The following TPRG1 variants were observed in gnomAD, a reference collection of about 807,000 sequenced individuals.
TPRG1 encodes the protein tumor protein p63 regulated 1.
Under a neutral mutation model 29.3 loss-of-function variants are expected in TPRG1, and 29 were observed. The ratio of observed to expected loss-of-function variants is 0.99; its 90% confidence interval spans 0.74 to 1.35. The LOEUF is 1.35. Ranked by LOEUF, TPRG1 falls within the 40% of genes most tolerant of loss-of-function variation. The pLI, the probability that TPRG1 is intolerant of heterozygous loss-of-function variation, is 0.00. For missense variants in TPRG1, 327 were observed against 335.0 expected, an observed-to-expected ratio of 0.98 and a Z score of 0.19; for synonymous variants, 130 against 116.8, an observed-to-expected ratio of 1.11 and a Z score of -0.73.
At chr3:189,282,444 G>A (rs964929830) in intron 4 of TPRG1, among the ~76,000 whole-genome samples, 46 of 152,026 alleles carry the variant, frequency 3.0e-4, no homozygotes, top group African/African-American at 1.1e-3. Flanking sequence ...GTGGGGGAGA[G>A]GGTATTAAAC....
intron 4 of TPRG1, 48 bp downstream of exon 4, chr3:189,238,957 C>G (rs183975678): frequency 1.3e-6 from 2 of 1,487,212 alleles, no homozygotes; most frequent in Non-Finnish European, 1.8e-6. Flanking sequence ...AGGGATGGAC[C>G]TGCAGGGAAA....
intron 4 of TPRG1, among the ~76,000 whole-genome samples, chr3:189,066,319 A>G (rs1341727583): frequency 2.6e-5 from 4 of 152,116 alleles, no homozygotes; most frequent in Non-Finnish European, 5.9e-5. Context: ...CTCATTCAAC[A>G]AGGCCAGTAT....
chr3:189,069,220 G>T, intron 4 of TPRG1, among the ~76,000 whole-genome samples: 1 of 152,108 alleles, frequency 6.6e-6, no homozygotes, highest in South Asian at 2.1e-4. Context: ...AATCTTAAGA[G>T]AATTATGGTG....
At chr3:189,248,690 T>C (rs921515010) in intron 4 of TPRG1, among the ~76,000 whole-genome samples, 3 of 151,212 alleles carry the variant, frequency 2.0e-5, no homozygotes, top group Admixed American at 6.6e-5. Context: ...CTCTTTGACC[T>C]GAGAATAGAT....
chr3:189,068,171 G>T (rs916637883), intron 4 of TPRG1, among the ~76,000 whole-genome samples: 1 of 152,102 alleles, frequency 6.6e-6, no homozygotes, highest in African/African-American at 2.4e-5. Context: ...GCAATTGCTG[G>T]CAAGAATGTG....
intron 4 of TPRG1, among the ~76,000 whole-genome samples, chr3:189,150,189 AT>A (rs1725748964): frequency 2.0e-5 from 3 of 151,984 alleles, no homozygotes; most frequent in African/African-American, 7.2e-5. Context: ...CTTTGTAGGG[AT>A]TTCTTTTTTT....
At chr3:189,104,380 A>C (rs1029263119) in intron 1 of TPRG1, among the ~76,000 whole-genome samples, 4 of 152,118 alleles carry the variant, frequency 2.6e-5, no homozygotes, top group African/African-American at 9.7e-5. Flanking sequence ...AAGGGAAATT[A>C]AGGGAGAATT....
At chr3:189,136,242 T>C (rs1022963092) in intron 3 of TPRG1, among the ~76,000 whole-genome samples, 2 of 152,178 alleles carry the variant, frequency 1.3e-5, no homozygotes, top group South Asian at 2.1e-4. Context: ...TGGTGGAGGG[T>C]GTATGCTGGG....
At chr3:189,177,053 A>G (rs1003231626) in intron 1 of TPRG1, among the ~76,000 whole-genome samples, 1 of 152,102 alleles carries the variant, frequency 6.6e-6, no homozygotes, top group Non-Finnish European at 1.5e-5. Flanking sequence ...ATTCTTAGGG[A>G]GTTATTGCTA....
intron 4 of TPRG1, among the ~76,000 whole-genome samples, chr3:189,277,574 A>AGC: frequency 7.0e-6 from 1 of 142,110 alleles, no homozygotes; most frequent in South Asian, 2.2e-4. Flanking sequence ...GTTTGCAGTG[A>AGC]ACACGTTTGG....
chr3:189,119,523 C>G (rs554186307), intron 1 of TPRG1, among the ~76,000 whole-genome samples: 2 of 152,116 alleles, frequency 1.3e-5, no homozygotes, highest in Non-Finnish European at 1.5e-5. Context: ...GCTCTGTTTC[C>G]CCACCCAAAT....
chr3:189,275,764 G>A (rs1168517030), intron 4 of TPRG1, among the ~76,000 whole-genome samples: 1 of 151,976 alleles, frequency 6.6e-6, no homozygotes, highest in East Asian at 1.9e-4. Context: ...ATAGGGAAAT[G>A]CATCCATTTT....
At position 189,196,876 on chromosome 3, in the gene TPRG1, A is replaced by G. The variant is rs115491954; in HGVS notation, c.-9-10500A>G. ...TTTTGAGGGGAAAATCCTATTTTCA[A>G]AACTTAGATGAATACTTTCCATGAA... On this transcript the variant is annotated intron_variant, in intron 1 of 5. Coordinates refer to ENST00000345063, the MANE Select transcript of TPRG1 (RefSeq NM_198485.4). Among the ~76,000 whole-genome samples, 901 of 152,340 alleles carry G rather than the reference A, an allele frequency of 5.9e-3. 10 individuals carry two copies. The highest frequency in any genetic ancestry group is 0.019 in the African/African-American group (790 of 41,582).
chr3:189,175,106 T>C (rs1268148264), intron 1 of TPRG1, among the ~76,000 whole-genome samples: 2 of 152,148 alleles, frequency 1.3e-5, no homozygotes, highest in Non-Finnish European at 2.9e-5. Flanking sequence ...TACCATCTAG[T>C]ATTGAAAATG....
At chr3:189,259,634 AATTTTTTGT>A (rs1175978451) in intron 4 of TPRG1, among the ~76,000 whole-genome samples, 3 of 151,228 alleles carry the variant, frequency 2.0e-5, no homozygotes, top group Non-Finnish European at 4.4e-5. Context: ...ACACCCTGAT[AATTTTTTGT>A]ATTTTTGGTA....
At chr3:188,998,663 C>A (rs1355281275) in intron 1 of TPRG1, among the ~76,000 whole-genome samples, 1 of 152,160 alleles carries the variant, frequency 6.6e-6, no homozygotes, top group Non-Finnish European at 1.5e-5. Flanking sequence ...GAAACCCTGT[C>A]ATTTGCAGCA....
At chr3:189,310,566 C>T in intron 5 of TPRG1, 27 bp downstream of exon 5, 1 of 1,581,874 alleles carries the variant, frequency 6.3e-7, no homozygotes, top group Non-Finnish European at 8.6e-7. Context: ...GTATTACTCT[C>T]AGATTAGCTT....
At chr3:189,069,436 A>G (rs937163015) in intron 4 of TPRG1, among the ~76,000 whole-genome samples, 1 of 152,184 alleles carries the variant, frequency 6.6e-6, no homozygotes, top group South Asian at 2.1e-4. Flanking sequence ...TCTTGACTGT[A>G]TCAATGTCAA....
chr3:189,148,953 C>T (rs1219845312), intron 4 of TPRG1, among the ~76,000 whole-genome samples: 4 of 152,170 alleles, frequency 2.6e-5, no homozygotes, highest in Admixed American at 2.6e-4. Context: ...GCTCAGCAGA[C>T]TCTTGCTTGA....
Sources: gnomAD v4.1 joint callset for allele counts (sites outside exome capture counted in the v4.1 genomes callset) on GRCh38, gnomAD v4.1.1 for gene constraint, MANE v1.5 for transcripts, NCBI Gene and HGNC (gene_info 2026-07-23, HGNC 2026-07-21) for gene names.